MBOAT1: variants seen among roughly 807,000 people sequenced by gnomAD.
MBOAT1 encodes membrane bound glycerophospholipid O-acyltransferase 1.
MBOAT1 carries 67 observed loss-of-function variants against 64.4 expected under a neutral mutation model. The ratio of observed to expected loss-of-function variants is 1.04; its 90% CI spans 0.85 to 1.27. The LOEUF (loss-of-function observed/expected upper bound fraction) is 1.27, where lower values mean the gene tolerates loss of function less well. MBOAT1 is among the 50% of genes most tolerant of loss of function. MBOAT1 has a pLI of 0.00. For missense variants in MBOAT1, 563 were observed against 604.6 expected, an observed-to-expected ratio of 0.93 and a Z score of 0.72; for synonymous variants, 229 against 218.9, an observed-to-expected ratio of 1.05 and a Z score of -0.41.
At chr6:20,192,342 C>T (rs1258986141) in intron 1 of MBOAT1, among the ~76,000 whole-genome samples, 10 of 152,104 alleles carry the variant, frequency 6.6e-5, no homozygotes, top group African/African-American at 2.2e-4. Flanking sequence ...TTATCATCCC[C>T]TTGTTATCCT....
At chr6:20,135,456 A>G (rs1442801970) in intron 4 of MBOAT1, among the ~76,000 whole-genome samples, 1 of 152,200 alleles carries the variant, frequency 6.6e-6, no homozygotes, top group Non-Finnish European at 1.5e-5. Flanking sequence ...TCCCAACATC[A>G]GCTCCTAACC....
At chr6:20,204,602 G>A (rs1294251615) in intron 1 of MBOAT1, among the ~76,000 whole-genome samples, 1 of 152,204 alleles carries the variant, frequency 6.6e-6, no homozygotes, top group Non-Finnish European at 1.5e-5. Flanking sequence ...GACGAGGAGA[G>A]GATTTTAGGG....
At chr6:20,156,211 C>A (rs995537968) in intron 1 of MBOAT1, among the ~76,000 whole-genome samples, 2 of 148,812 alleles carry the variant, frequency 1.3e-5, no homozygotes, top group Non-Finnish European at 3.0e-5. Context: ...GCAGAGCTTG[C>A]AGTGAGCTGA....
chr6:20,160,672 C>T (rs1043295330), intron 1 of MBOAT1, among the ~76,000 whole-genome samples: 25 of 152,220 alleles, frequency 1.6e-4, no homozygotes, highest in African/African-American at 6.0e-4. Flanking sequence ...GGCAGCCATT[C>T]TTCCAGCACA....
chr6:20,198,188 A>G (rs562125810), intron 1 of MBOAT1, among the ~76,000 whole-genome samples: 51 of 151,302 alleles, frequency 3.4e-4, no homozygotes, highest in African/African-American at 1.2e-3. Context: ...AGATCGTGCC[A>G]CTGCACTCCA....
At chr6:20,112,741 C>G (rs1760203644) in intron 11 of MBOAT1, 135 bp downstream of exon 11, 4 of 919,688 alleles carry the variant, frequency 4.3e-6, no homozygotes, top group Admixed American at 2.5e-5. Flanking sequence ...AAGACTCTTG[C>G]ATATTGTTTG....
At chr6:20,108,628 G>C (rs1347496602) in intron 12 of MBOAT1, among the ~76,000 whole-genome samples, 1 of 152,176 alleles carries the variant, frequency 6.6e-6, no homozygotes, top group Admixed American at 6.5e-5. Context: ...TAGGAAGAAG[G>C]TGTGTTTGCA....
At chr6:20,135,530 CTACCTATTT>C (rs1480757600) in intron 4 of MBOAT1, among the ~76,000 whole-genome samples, 1 of 152,034 alleles carries the variant, frequency 6.6e-6, no homozygotes, top group Non-Finnish European at 1.5e-5. Context: ...TCAATAAAAC[CTACCTATTT>C]TACCTTAATC....
chr6:20,146,154 G>A (rs943365115), intron 3 of MBOAT1, among the ~76,000 whole-genome samples: 4 of 152,048 alleles, frequency 2.6e-5, no homozygotes, highest in East Asian at 3.9e-4. Context: ...ACATAAATTC[G>A]GAAGGTATAA....
intron 4 of MBOAT1, among the ~76,000 whole-genome samples, chr6:20,140,167 T>A (rs544401249): frequency 6.6e-6 from 1 of 152,244 alleles, no homozygotes; most frequent in Admixed American, 6.5e-5. Flanking sequence ...TTCATGTTTA[T>A]ACTTCCTTCC....
chr6:20,197,835 G>C (rs1240802610), intron 1 of MBOAT1, among the ~76,000 whole-genome samples: 2 of 152,180 alleles, frequency 1.3e-5, no homozygotes, highest in African/African-American at 4.8e-5. Flanking sequence ...AATTGATTGA[G>C]AGCTGTCTCA....
At chr6:20,166,020 C>T (rs527352879) in intron 1 of MBOAT1, among the ~76,000 whole-genome samples, 1 of 151,704 alleles carries the variant, frequency 6.6e-6, no homozygotes, top group African/African-American at 2.4e-5. Context: ...TTCACAGATC[C>T]CTCATAATCC....
At chr6:20,137,545 G>A (rs1312611501) in intron 4 of MBOAT1, among the ~76,000 whole-genome samples, 3 of 152,020 alleles carry the variant, frequency 2.0e-5, no homozygotes, top group African/African-American at 7.3e-5. Context: ...ATTCACCACC[G>A]CATGTATTGA....
intron 1 of MBOAT1, 132 bp downstream of exon 1, chr6:20,212,004 A>ACACACAC (rs1554123721): frequency 1.4e-6 from 1 of 735,172 alleles, no homozygotes; most frequent in Non-Finnish European, 2.2e-6. Flanking sequence ...ACACACACAC[A>ACACACAC]AAAACCAACT....
chr6:20,125,257 C>T (rs1299359998), intron 7 of MBOAT1, among the ~76,000 whole-genome samples: 2 of 152,130 alleles, frequency 1.3e-5, no homozygotes, highest in Non-Finnish European at 1.5e-5. Context: ...TCTCCGACTT[C>T]ATAAAAAAAA....
At chr6:20,196,898 C>CTGTACACT (rs1369310643) in intron 1 of MBOAT1, among the ~76,000 whole-genome samples, 14 of 151,624 alleles carry the variant, frequency 9.2e-5, no homozygotes, top group African/African-American at 3.1e-4. Flanking sequence ...AAAAACTGAA[C>CTGTACACT]TGTACACTTT....
chr6:20,196,619 G>C (rs757808354), intron 1 of MBOAT1, among the ~76,000 whole-genome samples: 1 of 152,172 alleles, frequency 6.6e-6, no homozygotes, highest in African/African-American at 2.4e-5. Flanking sequence ...CCAGCAATTT[G>C]GGAGGCCAAG....
chr6:20,176,663 GC>G, intron 1 of MBOAT1, among the ~76,000 whole-genome samples: 1 of 152,142 alleles, frequency 6.6e-6, no homozygotes. Flanking sequence ...TCACTCTGTC[GC>G]CCAGGCTGGA....
chr6:20,205,761 C>T (rs148698788), intron 1 of MBOAT1, among the ~76,000 whole-genome samples: 11 of 152,216 alleles, frequency 7.2e-5, no homozygotes, highest in Admixed American at 4.6e-4. Context: ...CCAAAAGGCC[C>T]CCCCACCCAC....
Sources: gnomAD v4.1 joint callset for allele counts (sites outside exome capture counted in the v4.1 genomes callset) on GRCh38, gnomAD v4.1.1 for gene constraint, MANE v1.5 for transcripts, NCBI Gene and HGNC (gene_info 2026-07-23, HGNC 2026-07-21) for gene names.